The following DISP1 variants were observed in gnomAD, a reference collection of about 807,000 sequenced individuals.
DISP1 encodes protein dispatched homolog 1.
Under a neutral mutation model 37.3 loss-of-function variants are expected in DISP1, and 30 were observed. The ratio of observed to expected loss-of-function variants is 0.80; its 90% CI spans 0.60 to 1.09. The LOEUF is 1.09. Among genes scored for constraint, DISP1 ranks in the 50% least tolerant of loss-of-function variants. The probability of loss-of-function intolerance (pLI) is 0.00; values close to 1 mark genes in which losing one functional copy is unlikely to be tolerated. For synonymous variants in DISP1, 634 were observed against 690.2 expected, an observed-to-expected ratio of 0.92 and a Z score of 1.28; for missense variants, 1,598 against 1,879.5, an observed-to-expected ratio of 0.85 and a Z score of 2.77.
intron 3 of DISP1, chr1:222,945,660 A>G (rs1674716424): frequency 1.3e-5 from 2 of 152,174 alleles, no homozygotes; most frequent in Admixed American, 1.3e-4. Context: ...ACTGATAGGC[A>G]GGTGGCTGAG....
At chr1:222,937,546 T>A (rs531803568) in intron 2 of DISP1, among the ~76,000 whole-genome samples, 23 of 152,334 alleles carry the variant, frequency 1.5e-4, no homozygotes, top group Admixed American at 9.2e-4. Flanking sequence ...ATTCTCATAG[T>A]AATCCTATGA....
chr1:222,922,391 T>C (rs1348039250), intron 1 of DISP1, among the ~76,000 whole-genome samples: 1 of 152,040 alleles, frequency 6.6e-6, no homozygotes, highest in African/African-American at 2.4e-5. Context: ...GGAAAGTTAA[T>C]CTAAGAAAGT....
chr1:222,916,557 A>G (rs1387294162), intron 1 of DISP1, among the ~76,000 whole-genome samples: 1 of 152,224 alleles, frequency 6.6e-6, no homozygotes, highest in Non-Finnish European at 1.5e-5. Context: ...GCTTAGTGAC[A>G]TGCTGTCCTT....
intron 1 of DISP1, among the ~76,000 whole-genome samples, chr1:222,878,808 A>T (rs924564631): frequency 5.3e-5 from 8 of 152,174 alleles, no homozygotes; most frequent in African/African-American, 1.9e-4. Flanking sequence ...GCACCTTCAA[A>T]TATTCATTTT....
At chr1:222,982,492 G>A (rs1268031249) in intron 3 of DISP1, among the ~76,000 whole-genome samples, 1 of 152,202 alleles carries the variant, frequency 6.6e-6, no homozygotes, top group African/African-American at 2.4e-5. Context: ...ATATCTGGGA[G>A]GCAAGGTACA....
intron 3 of DISP1, among the ~76,000 whole-genome samples, chr1:222,953,247 T>G (rs1296710823): frequency 6.6e-6 from 1 of 152,214 alleles, no homozygotes; most frequent in Non-Finnish European, 1.5e-5. Context: ...ACAGTGCCTG[T>G]TACCAAATTT....
At chr1:222,945,192 T>C (rs1674684981) in intron 3 of DISP1, among the ~76,000 whole-genome samples, 1 of 152,116 alleles carries the variant, frequency 6.6e-6, no homozygotes, top group East Asian at 1.9e-4. Context: ...GGAGAGTCCT[T>C]CACAGCATGT....
At chr1:222,895,013 T>C (rs1671166565) in intron 1 of DISP1, among the ~76,000 whole-genome samples, 1 of 152,200 alleles carries the variant, frequency 6.6e-6, no homozygotes, top group African/African-American at 2.4e-5. Context: ...AATAAGCATC[T>C]GAGTAGGGAC....
At chr1:222,904,494 TATG>T (rs1186098187) in intron 1 of DISP1, among the ~76,000 whole-genome samples, 2 of 151,996 alleles carry the variant, frequency 1.3e-5, no homozygotes, top group African/African-American at 4.8e-5. Flanking sequence ...TCTCTTTTAA[TATG>T]ATATGTTATA....
At chr1:223,001,980 C>T (rs1057481053) in intron 8 of DISP1, among the ~76,000 whole-genome samples, 15 of 152,162 alleles carry the variant, frequency 9.9e-5, no homozygotes, top group African/African-American at 3.4e-4. Flanking sequence ...ATCAAGTGTA[C>T]GGTTTTCTTA....
At chr1:222,993,969 T>G (rs1417054131) in intron 7 of DISP1, among the ~76,000 whole-genome samples, 1 of 152,216 alleles carries the variant, frequency 6.6e-6, no homozygotes, top group Admixed American at 6.5e-5. Flanking sequence ...ATTCATAAAT[T>G]TACCAGCTTA....
chr1:222,962,039 C>T (rs113903967), intron 3 of DISP1, among the ~76,000 whole-genome samples: 6,111 of 151,848 alleles, frequency 0.04, 434 homozygotes, highest in African/African-American at 0.14. Flanking sequence ...AAAGCCCCAT[C>T]GTCTCAGTCC....
At chr1:222,977,230 C>T (rs1302063330) in intron 3 of DISP1, among the ~76,000 whole-genome samples, 1 of 151,708 alleles carries the variant, frequency 6.6e-6, no homozygotes, top group Non-Finnish European at 1.5e-5. Flanking sequence ...GATGGGGTTT[C>T]TCCATGTTGG....
chr1:222,952,742 C>G (rs902948484), intron 3 of DISP1, among the ~76,000 whole-genome samples: 4 of 152,082 alleles, frequency 2.6e-5, no homozygotes, highest in African/African-American at 9.7e-5. Context: ...CCCAGCTACT[C>G]AGGAGGCTGA....
At chr1:222,988,443 C>T (rs1011075846) in intron 4 of DISP1, among the ~76,000 whole-genome samples, 2 of 152,138 alleles carry the variant, frequency 1.3e-5, no homozygotes, top group Admixed American at 6.6e-5. Context: ...CTTGTCAATG[C>T]TGCAGTTTCA....
Position 222,822,442 on chromosome 1 carries a change from T to C in DISP1, c.-159+7364T>C, listed in dbSNP as rs143232784. 6.4e-3 allele frequency among the ~76,000 whole-genome samples: 970 copies of C among 152,308 alleles called. 10 individuals are homozygous for C. Among genetic ancestry groups the C allele is most frequent in the African/African-American group, 0.022 (915 of 41,548 alleles). ...GTTGAGAAATTTATGTATTTCTACA[T>C]TTATAAGCAGAAAGAGTTTAGCAAA... On this transcript the variant is annotated intron_variant, in intron 1 of 8. Coordinates refer to ENST00000675850, the MANE Select transcript of DISP1 (RefSeq NM_001377229.1).
At chr1:223,002,333 G>C (rs904598649) in intron 8 of DISP1, 52 bp from the exon 9 acceptor site, 1 of 1,541,724 alleles carries the variant, frequency 6.5e-7, no homozygotes, top group Admixed American at 1.7e-5. Context: ...AGTTGTGAAC[G>C]ATTGTGAACC....
chr1:222,947,436 A>G (rs187659988), intron 3 of DISP1, among the ~76,000 whole-genome samples: 1 of 152,262 alleles, frequency 6.6e-6, no homozygotes, highest in East Asian at 1.9e-4. Context: ...TTTATCAATT[A>G]CACAATACAT....
chr1:222,902,123 AT>A lies in DISP1; in HGVS notation c.-158-26301del, dbSNP rs972962446. Among the ~76,000 whole-genome samples the A allele has an allele frequency of 5.3e-4, 81 of 152,122 alleles. 1 individual carries two copies. In the South Asian group the frequency reaches 7.5e-3, roughly 14 times the overall value. On this transcript the variant is annotated intron_variant, in intron 1 of 8. Coordinates refer to ENST00000675850, the MANE Select transcript of DISP1 (RefSeq NM_001377229.1). ...AAAAAACCAGCTCCTGGATTCATTA[AT>A]TTTTTGAAGGGTTTTTTGTGTCTCT...
Sources: gnomAD v4.1 joint callset for allele counts (sites outside exome capture counted in the v4.1 genomes callset) on GRCh38, gnomAD v4.1.1 for gene constraint, MANE v1.5 for transcripts, NCBI Gene and HGNC (gene_info 2026-07-23, HGNC 2026-07-21) for gene names.